Variants in GADL1 observed in about 807,000 individuals in gnomAD.
GADL1 encodes GAD like acidic amino acid decarboxylase 1, also known as acidic amino acid decarboxylase GADL1.
Under a neutral mutation model 69.5 loss-of-function variants are expected in GADL1, and 71 were observed. The ratio of observed to expected loss-of-function variants is 1.02; its 90% CI spans 0.84 to 1.25. The LOEUF is 1.25. Ranked by LOEUF, GADL1 falls within the 50% of genes most tolerant of loss-of-function variation. The pLI, the probability that GADL1 is intolerant of heterozygous loss-of-function variation, is 0.00. For synonymous variants in GADL1, 254 were observed against 214.4 expected, an observed-to-expected ratio of 1.18 and a Z score of -1.62; for missense variants, 737 against 631.8, an observed-to-expected ratio of 1.17 and a Z score of -1.79.
At chr3:30,835,755 C>T (rs1007877764) in intron 9 of GADL1, among the ~76,000 whole-genome samples, 2 of 152,032 alleles carry the variant, frequency 1.3e-5, no homozygotes, top group Non-Finnish European at 2.9e-5. Flanking sequence ...TCCCCAGAGG[C>T]CTGCGAGCTC....
chr3:30,746,540 A>C (rs1261955328), intron 14 of GADL1, among the ~76,000 whole-genome samples: 1 of 152,128 alleles, frequency 6.6e-6, no homozygotes, highest in African/African-American at 2.4e-5. Flanking sequence ...GGCTGTGATA[A>C]GGGTAATAAG....
intron 4 of GADL1, among the ~76,000 whole-genome samples, chr3:30,852,535 TTC>T (rs1178000616): frequency 6.6e-6 from 1 of 152,044 alleles, no homozygotes; most frequent in Non-Finnish European, 1.5e-5. Flanking sequence ...AAAAGATAGA[TTC>T]TGTTTCTTAA....
chr3:30,797,834 C>T (rs1454563749), intron 12 of GADL1: 3 of 151,930 alleles, frequency 2.0e-5, no homozygotes, highest in African/African-American at 4.8e-5. Flanking sequence ...TTTTTAAAAG[C>T]ATTTCAAATA....
intron 1 of GADL1, among the ~76,000 whole-genome samples, chr3:30,888,830 G>A (rs1288770487): frequency 2.0e-5 from 3 of 151,686 alleles, no homozygotes; most frequent in African/African-American, 7.3e-5. Flanking sequence ...GTGGATCCTG[G>A]AAAAAGGGAC....
At chr3:30,838,850 G>GA (rs1156606939) in intron 9 of GADL1, 147 bp downstream of exon 9, 8 of 548,226 alleles carry the variant, frequency 1.5e-5, no homozygotes, top group East Asian at 6.7e-5. Flanking sequence ...TACTTTACAA[G>GA]AAAGTGGCAT....
rs1257723549 is a variant in GADL1, at chr3:30,792,454, T to G, written c.1251-6048A>C. On this transcript the variant is annotated intron_variant, in intron 12 of 14. Transcript: ENST00000282538. ...CGGGTGTAGAAGTGTACATCCGTGG[T>G]CCCAGCTACTCAGGAGGCTGAGGTA... 3.9e-5 allele frequency among the ~76,000 whole-genome samples: 6 copies of G among 152,062 alleles called. No homozygotes were observed. The East Asian group carries it at 1.2e-3, about 29-fold the overall frequency.
chr3:30,825,684 G>A (rs57104576), intron 11 of GADL1, among the ~76,000 whole-genome samples: 55,367 of 148,124 alleles, frequency 0.37, 13,879 homozygotes, highest in African/African-American at 0.68. Context: ...GAAAACCAAC[G>A]CTGCAGGTTC....
chr3:30,757,673 C>T (rs954234003), intron 14 of GADL1, among the ~76,000 whole-genome samples: 3 of 152,150 alleles, frequency 2.0e-5, no homozygotes, highest in African/African-American at 7.2e-5. Context: ...GAATTCCAAT[C>T]ATCCAAATAG....
Position 30,800,917 on chromosome 3 carries a change from T to C in GADL1, c.1222A>G (p.Arg408Gly). The change falls in exon 12 of 15, where the codon AGA (arginine) becomes GGA (glycine). Residue 408 changes from arginine (R) to glycine (G), a missense_variant. Transcript: ENST00000282538. The stretch of plus-strand genomic sequence containing the variant: ...GATAAAGCAAGAGCACGATTAACTC[T>C]TTCTTCAAGGCCTAATGTACCCAGG... ...KALGTLGLEE[R>G]VNRALALSRY... 1.9e-6 allele frequency: 3 copies of C among 1,612,814 alleles called. No individual in the cohort carries two copies. The highest frequency in any genetic ancestry group is 2.5e-6 in the Non-Finnish European group (3 of 1,179,870).
intron 1 of GADL1, among the ~76,000 whole-genome samples, chr3:30,874,573 T>C (rs1698550222): frequency 6.6e-6 from 1 of 151,976 alleles, no homozygotes; most frequent in African/African-American, 2.4e-5. Context: ...AACCAAGGTT[T>C]GATGACACAG....
At chr3:30,864,251 A>G (rs969949104) in intron 1 of GADL1, among the ~76,000 whole-genome samples, 1 of 147,962 alleles carries the variant, frequency 6.8e-6, no homozygotes, top group African/African-American at 2.5e-5. Flanking sequence ...AAAAGTTAAG[A>G]TTTTTTTTTT....
chr3:30,822,592 CAAG>C (rs928422181), intron 11 of GADL1, among the ~76,000 whole-genome samples: 37 of 151,968 alleles, frequency 2.4e-4, no homozygotes, highest in African/African-American at 8.9e-4. Context: ...ATATGCATCT[CAAG>C]AAAATTTTAA....
chr3:30,846,548 C>CG (rs1305770617), intron 6 of GADL1, among the ~76,000 whole-genome samples: 1 of 151,536 alleles, frequency 6.6e-6, no homozygotes. Context: ...GTAGAGAGAA[C>CG]GGGGTATATA....
intron 14 of GADL1, among the ~76,000 whole-genome samples, chr3:30,751,323 G>A (rs1695809117): frequency 6.6e-6 from 1 of 152,018 alleles, no homozygotes; most frequent in Non-Finnish European, 1.5e-5. Context: ...GACCATTGTG[G>A]TAAGGAGACT....
chr3:30,861,118 G>A (rs1698314169), intron 2 of GADL1, among the ~76,000 whole-genome samples: 1 of 151,806 alleles, frequency 6.6e-6, no homozygotes, highest in African/African-American at 2.4e-5. Context: ...AGATTTCTAG[G>A]CTAAATTTAG....
chr3:30,804,245 A>G (rs1245067401), intron 11 of GADL1, among the ~76,000 whole-genome samples: 1 of 152,182 alleles, frequency 6.6e-6, no homozygotes, highest in Non-Finnish European at 1.5e-5. Flanking sequence ...TGTAGCCTAT[A>G]TTGGCCTCAC....
chr3:30,752,164 G>T (rs1575184248), intron 14 of GADL1, among the ~76,000 whole-genome samples: 1 of 149,016 alleles, frequency 6.7e-6, no homozygotes, highest in Admixed American at 6.6e-5. Flanking sequence ...CAGAAGATGC[G>T]GCTCTGATGT....
intron 13 of GADL1, among the ~76,000 whole-genome samples, chr3:30,779,735 C>G (rs1276257123): frequency 6.6e-6 from 1 of 152,176 alleles, no homozygotes; most frequent in East Asian, 1.9e-4. Flanking sequence ...AATTATCTGT[C>G]ACTAGATTGT....
At chr3:30,809,909 C>A (rs1399060460) in intron 11 of GADL1, among the ~76,000 whole-genome samples, 1 of 152,064 alleles carries the variant, frequency 6.6e-6, no homozygotes. Context: ...TGTCTTATTT[C>A]AATTTAAGGA....
Sources: allele counts gnomAD v4.1 joint callset (sites outside exome capture counted in the v4.1 genomes callset), GRCh38; gene constraint gnomAD v4.1.1; transcripts MANE v1.5; gene names NCBI Gene and HGNC (gene_info 2026-07-23, HGNC 2026-07-21).